Variants in CORO1C observed in about 807,000 individuals in gnomAD.
CORO1C encodes the protein coronin 1C.
In CORO1C, 14 loss-of-function variants were observed where a neutral mutation model predicts 51.2. The ratio of observed to expected loss-of-function variants is 0.27; its 90% CI spans 0.18 to 0.43. CORO1C has a LOEUF of 0.43. Among genes scored for constraint, CORO1C ranks in the 20% least tolerant of loss-of-function variants. CORO1C has a pLI of 1.00. For synonymous variants in CORO1C, 181 were observed against 210.5 expected (o/e 0.86, Z 1.21); for missense variants, 417 against 607.8 (o/e 0.69, Z 3.30).
At chr12:108,674,242 C>A (rs1009165146) in intron 3 of CORO1C, among the ~76,000 whole-genome samples, 1 of 152,120 alleles carries the variant, frequency 6.6e-6, no homozygotes, top group Admixed American at 6.5e-5. Context: ...ATAGTGATTC[C>A]CCTGATGGAT....
intron 2 of CORO1C, among the ~76,000 whole-genome samples, chr12:108,690,338 G>A (rs1247286212): frequency 6.6e-6 from 1 of 152,208 alleles, no homozygotes; most frequent in East Asian, 1.9e-4. Context: ...TGTAAGGTAA[G>A]GTAAGCTAGA....
At position 108,646,666 on chromosome 12, in the gene CORO1C, G is replaced by T. The variant is rs1405418132; in HGVS notation, c.*737C>A. Reference sequence around the variant, plus strand: ...AATTTCTAGAAAAGAGAAAGGAAAAGAAGAAATACGACGTGAGCTTTTTTG... The same window carrying T: ...AATTTCTAGAAAAGAGAAAGGAAAATAAGAAATACGACGTGAGCTTTTTTG... On this transcript the variant is annotated 3_prime_UTR_variant, in exon 11 of 11. Transcript: ENST00000261401. 1 of 152,130 alleles carries T rather than the reference G, an allele frequency of 6.6e-6. No individual in the cohort carries two copies. Among genetic ancestry groups the T allele is most frequent in the African/African-American group, 2.4e-5 (1 of 41,420 alleles). 9.4% of individuals were successfully genotyped at this position (152,130 alleles called of 1,614,324 possible).
intron 3 of CORO1C, among the ~76,000 whole-genome samples, chr12:108,674,024 A>G (rs1433691568): frequency 6.6e-6 from 1 of 152,164 alleles, no homozygotes; most frequent in African/African-American, 2.4e-5. Context: ...AGAACCACCG[A>G]TCAGGAAAAA....
chr12:108,678,409 A>G lies in CORO1C; in HGVS notation c.196-15T>C, dbSNP rs763265500. On this transcript the variant is annotated splice_polypyrimidine_tract_variant and intron_variant, in intron 2 of 10. Coordinates refer to ENST00000261401, the MANE Select transcript of CORO1C (RefSeq NM_014325.4). ...ATTCGACCAGTCTGAAAGAAGAGAG[A>G]AACAAACCTATTATGTAATATCAAC... The G allele has an allele frequency of 4.5e-6, 7 of 1,558,442 alleles. No homozygotes were observed. Among genetic ancestry groups the G allele is most frequent in the South Asian group, 3.6e-5 (3 of 84,252 alleles).
At chr12:108,711,226 G>A (rs1315413484) in intron 1 of CORO1C, among the ~76,000 whole-genome samples, 2 of 151,940 alleles carry the variant, frequency 1.3e-5, no homozygotes, top group African/African-American at 4.8e-5. Flanking sequence ...TTAGCTGGGT[G>A]TGATGTTGTA....
chr12:108,721,946 GA>G (rs1200103350), intron 1 of CORO1C, among the ~76,000 whole-genome samples: 1 of 151,910 alleles, frequency 6.6e-6, no homozygotes, highest in Non-Finnish European at 1.5e-5. Flanking sequence ...AAAGTATTTT[GA>G]AAAAAATTTA....
At chr12:108,650,152 C>CTAAAAGAG (rs1313960567) in intron 8 of CORO1C, among the ~76,000 whole-genome samples, 4 of 141,484 alleles carry the variant, frequency 2.8e-5, no homozygotes, top group Non-Finnish European at 6.1e-5. Context: ...CAACCAAAAA[C>CTAAAAGAG]TAAAAGAGTC....
chr12:108,656,010 G>T (rs1419617659), intron 6 of CORO1C, among the ~76,000 whole-genome samples: 6 of 151,292 alleles, frequency 4.0e-5, no homozygotes, highest in African/African-American at 1.5e-4. Flanking sequence ...TGGGATGTGA[G>T]GAGCGCCTCT....
intron 1 of CORO1C, among the ~76,000 whole-genome samples, chr12:108,715,066 A>G (rs755113844): frequency 7.9e-5 from 12 of 151,924 alleles, no homozygotes; most frequent in Non-Finnish European, 1.3e-4. Context: ...CTGAAGACAA[A>G]AGATAAAATT....
At chr12:108,655,943 C>A (rs2032951609) in intron 6 of CORO1C, among the ~76,000 whole-genome samples, 1 of 152,072 alleles carries the variant, frequency 6.6e-6, no homozygotes, top group South Asian at 2.1e-4. Context: ...AGGAGCGTCT[C>A]TGCCCGGCCG....
chr12:108,657,121 T>C (rs866706471), intron 6 of CORO1C, among the ~76,000 whole-genome samples, 183 bp downstream of exon 6: 68 of 152,128 alleles, frequency 4.5e-4, no homozygotes, highest in Middle Eastern at 6.8e-3. Flanking sequence ...CAAAAGTATG[T>C]CTTTGAAATA....
At chr12:108,698,848 T>G (rs2034774670) in intron 2 of CORO1C, among the ~76,000 whole-genome samples, 1 of 152,252 alleles carries the variant, frequency 6.6e-6, no homozygotes, top group Admixed American at 6.5e-5. Flanking sequence ...TTCCCAGATT[T>G]GTGATCTTCC....
intron 3 of CORO1C, among the ~76,000 whole-genome samples, chr12:108,664,497 C>T (rs2136816515): frequency 6.6e-6 from 1 of 152,270 alleles, no homozygotes; most frequent in Admixed American, 6.5e-5. Context: ...TAAATATAAC[C>T]CCTTATGCAA....
intron 1 of CORO1C, among the ~76,000 whole-genome samples, chr12:108,715,248 C>A (rs1334211303): frequency 2.0e-5 from 3 of 151,860 alleles, no homozygotes; most frequent in Non-Finnish European, 4.4e-5. Flanking sequence ...AAAAACAAAA[C>A]AAAACAAAAC....
intron 1 of CORO1C, among the ~76,000 whole-genome samples, chr12:108,704,575 A>C (rs1266246266): frequency 6.6e-6 from 1 of 152,246 alleles, no homozygotes; most frequent in Non-Finnish European, 1.5e-5. Flanking sequence ...CACAGAGTAG[A>C]ATGTTAGCTA....
intron 3 of CORO1C, among the ~76,000 whole-genome samples, chr12:108,671,603 G>GA (rs901185171): frequency 6.6e-6 from 1 of 150,710 alleles, no homozygotes; most frequent in Non-Finnish European, 1.5e-5. Context: ...TATATTTGAA[G>GA]AAAAAAAATC....
intron 1 of CORO1C, among the ~76,000 whole-genome samples, chr12:108,702,471 A>T (rs2034902332): frequency 6.6e-6 from 1 of 152,200 alleles, no homozygotes; most frequent in Non-Finnish European, 1.5e-5. Context: ...GTGCTTTCAG[A>T]TCACCAGGCC....
intron 3 of CORO1C, among the ~76,000 whole-genome samples, chr12:108,667,273 C>T (rs2033520744): frequency 6.6e-6 from 1 of 152,176 alleles, no homozygotes; most frequent in Non-Finnish European, 1.5e-5. Flanking sequence ...TGTGTGAAAG[C>T]TCTGGTTTAT....
At chr12:108,663,716 G>A (rs1224399339) in intron 3 of CORO1C, among the ~76,000 whole-genome samples, 2 of 152,170 alleles carry the variant, frequency 1.3e-5, no homozygotes, top group African/African-American at 4.8e-5. Context: ...ATAGCTAAAG[G>A]ATTTGGGTTT....
Sources: gnomAD v4.1 joint callset for allele counts (sites outside exome capture counted in the v4.1 genomes callset) on GRCh38, gnomAD v4.1.1 for gene constraint, MANE v1.5 for transcripts, NCBI Gene and HGNC (gene_info 2026-07-23, HGNC 2026-07-21) for gene names.